Variants in CCDC171 observed in about 807,000 individuals in gnomAD.
The protein encoded by CCDC171 is coiled-coil domain containing 171, also known as coiled-coil domain-containing protein 171.
Under a neutral mutation model 168.2 loss-of-function variants are expected in CCDC171, and 177 were observed. The ratio of observed to expected loss-of-function variants is 1.05; its 90% CI spans 0.93 to 1.19. The LOEUF is 1.19. CCDC171 is among the 50% of genes most tolerant of loss of function. The pLI is 0.00. For synonymous variants in CCDC171, 687 were observed against 540.8 expected (o/e 1.27, Z -3.75); for missense variants, 1,991 against 1,539.0 (o/e 1.29, Z -4.91).
chr9:15,994,169 A>G (rs966467718), intron 3 of CCDC171, among the ~76,000 whole-genome samples: 1 of 152,186 alleles, frequency 6.6e-6, no homozygotes, highest in Non-Finnish European at 1.5e-5. Flanking sequence ...CGCAATAGCA[A>G]AGACTTGGAA....
chr9:15,591,880 A>G (rs2042032205), intron 5 of CCDC171, among the ~76,000 whole-genome samples: 1 of 152,172 alleles, frequency 6.6e-6, no homozygotes. Context: ...TTTTAGAAAT[A>G]TGGGCCCTGG....
chr9:15,801,523 T>C (rs2058820324), intron 21 of CCDC171, among the ~76,000 whole-genome samples: 1 of 152,074 alleles, frequency 6.6e-6, no homozygotes, highest in Admixed American at 6.6e-5. Flanking sequence ...TGGTGGAGTT[T>C]TTAGGTTTTT....
intron 6 of CCDC171, among the ~76,000 whole-genome samples, chr9:15,620,357 A>G (rs1264750113): frequency 1.3e-5 from 2 of 152,156 alleles, no homozygotes; most frequent in African/African-American, 4.8e-5. Flanking sequence ...CATCATTAAC[A>G]GGAGTTTGGA....
At chr9:15,728,752 A>G (rs2053974413) in intron 15 of CCDC171, among the ~76,000 whole-genome samples, 1 of 152,122 alleles carries the variant, frequency 6.6e-6, no homozygotes, top group African/African-American at 2.4e-5. Context: ...GGGTCTATTG[A>G]ACTAGTCAGT....
intron 18 of CCDC171, among the ~76,000 whole-genome samples, chr9:15,757,506 A>G (rs950290004): frequency 3.9e-5 from 6 of 152,234 alleles, no homozygotes; most frequent in Non-Finnish European, 8.8e-5. Flanking sequence ...AGCAGAGCAT[A>G]AAAGTTCAGA....
chr9:15,995,141 A>G (rs60530829), intron 3 of CCDC171, among the ~76,000 whole-genome samples: 7 of 152,074 alleles, frequency 4.6e-5, no homozygotes, highest in Admixed American at 1.3e-4. Context: ...TTCAAGAAAA[A>G]GTTTTTATAT....
At chr9:15,745,715 A>G in intron 18 of CCDC171, 84 bp downstream of exon 18, 1 of 719,480 alleles carries the variant, frequency 1.4e-6, no homozygotes, top group Non-Finnish European at 2.2e-6. Context: ...TTCTAATAAA[A>G]CATATAGGGG....
intron 11 of CCDC171, among the ~76,000 whole-genome samples, chr9:15,715,190 A>T (rs1171527286): frequency 1.3e-5 from 2 of 152,220 alleles, no homozygotes; most frequent in African/African-American, 4.8e-5. Context: ...TGGTAAAGGA[A>T]GTGTTTTTTG....
the CCDC171 span, among the ~76,000 whole-genome samples, chr9:16,100,917 C>G: frequency 6.6e-6 from 1 of 152,294 alleles, no homozygotes; most frequent in East Asian, 1.9e-4. Flanking sequence ...CCTACCCCAT[C>G]CCCCAGGCTC....
intron 24 of CCDC171, among the ~76,000 whole-genome samples, chr9:15,914,223 G>A (rs1278109145): frequency 3.9e-5 from 6 of 152,170 alleles, no homozygotes; most frequent in African/African-American, 1.4e-4. Context: ...GAACGTTTAA[G>A]TCTGCTGAAG....
chr9:15,928,521 G>A (rs2132104829), intron 25 of CCDC171, among the ~76,000 whole-genome samples: 1 of 151,744 alleles, frequency 6.6e-6, no homozygotes, highest in East Asian at 1.9e-4. Flanking sequence ...TGATATCTCT[G>A]ACAACTACAT....
chr9:15,582,046 A>G (rs2041164523), intron 4 of CCDC171, among the ~76,000 whole-genome samples: 1 of 152,262 alleles, frequency 6.6e-6, no homozygotes, highest in Non-Finnish European at 1.5e-5. Flanking sequence ...ACAAAGGGCT[A>G]ATATCCAGAA....
chr9:16,087,557 C>CTTTTTTTTTTTTTTTTT, the CCDC171 span, among the ~76,000 whole-genome samples: 8 of 78,788 alleles, frequency 1.0e-4, no homozygotes, highest in African/African-American at 3.9e-4. Context: ...GCAACTCCTG[C>CTTTTTTTTTTTTTTTTT]TTTTTTTTTT....
rs750444306 is a variant in CCDC171 at position 15,724,927 on chromosome 9, C to G, written c.1643C>G (p.Ser548Cys). 2.8e-5 allele frequency: 45 copies of G among 1,613,826 alleles called. No individual in the cohort carries two copies. The Admixed American group carries it at 4.8e-4, about 17-fold the overall frequency. ...AAAGAAAAGGCTCAGGCAGCCCAGT[C>G]TGAAAGTGAACTGCAGAAGCTTTCC... ...WEKEKAQAAQ[S>C]ESELQKLSQA... Residue 548 changes from serine (S) to cysteine (C), a missense_variant, in exon 14 of 26, where the codon TCT becomes TGT. Ser to Cys is a moderately radical substitution (Grantham distance 112). Coordinates refer to ENST00000380701, the MANE Select transcript of CCDC171 (RefSeq NM_173550.4).
intron 20 of CCDC171, among the ~76,000 whole-genome samples, chr9:15,781,495 G>T (rs2057665334): frequency 6.6e-6 from 1 of 152,174 alleles, no homozygotes; most frequent in Non-Finnish European, 1.5e-5. Context: ...TCAGCTCACT[G>T]CAGCCTCCAC....
Position 15,903,990 on chromosome 9 carries a change from GAAAC to G in CCDC171, c.3601-16272_3601-16269del, listed in dbSNP as rs770014931. Among the ~76,000 whole-genome samples, 45 of 152,290 alleles carry G rather than the reference GAAAC, an allele frequency of 3.0e-4. No homozygotes were observed. The South Asian group carries it at 6.0e-3, about 20-fold the overall frequency. ...AAGTTTAGAGAAAACAGAATGAAAA[GAAAC>G]AAACAAAGCCTCCAAGAAATATGGG... On this transcript the variant is annotated intron_variant, in intron 24 of 25. Coordinates refer to ENST00000380701, the MANE Select transcript of CCDC171 (RefSeq NM_173550.4).
At position 15,642,343 on chromosome 9, in the gene CCDC171, G is replaced by GTGTATATATATATATA. The variant is rs1369419679; in HGVS notation, c.823-14783_823-14782insGTATATATATATATAT. ...TATATATATATACACGTGTGTGTGT[G>GTGTATATATATATATA]TATATATATATATATATATATATAT... is the stretch of plus-strand genomic sequence containing the variant. On this transcript the variant is annotated intron_variant, in intron 7 of 25. Transcript: ENST00000380701. 1.1e-4 allele frequency among the ~76,000 whole-genome samples: 12 copies of GTGTATATATATATATA among 107,530 alleles called. 1 individual carries two copies. Among genetic ancestry groups the GTGTATATATATATATA allele is most frequent in the African/African-American group, 3.5e-4 (7 of 19,860 alleles). The allele number at this position is 107,530 out of a possible 152,430, so 70.5% of individuals were successfully genotyped here. A position where few individuals can be genotyped will look rare whatever the true frequency, so the allele number is the denominator to read the frequency against.
the CCDC171 span, among the ~76,000 whole-genome samples, chr9:16,089,800 T>C: frequency 5.3e-5 from 8 of 151,202 alleles, no homozygotes; most frequent in Non-Finnish European, 1.2e-4. Context: ...AAGACATTTA[T>C]GCACTCAAGA....
At chr9:16,089,750 C>T in the CCDC171 span, among the ~76,000 whole-genome samples, 4 of 145,076 alleles carry the variant, frequency 2.8e-5, no homozygotes, top group East Asian at 7.8e-4. Context: ...AAAAAAAAAC[C>T]CATCAAAAAA....
Sources: allele counts gnomAD v4.1 joint callset (sites outside exome capture counted in the v4.1 genomes callset), GRCh38; gene constraint gnomAD v4.1.1; transcripts MANE v1.5; gene names NCBI Gene and HGNC (gene_info 2026-07-23, HGNC 2026-07-21).